CREBBP: variants seen among roughly 807,000 people sequenced by gnomAD.
CREBBP encodes the protein CREB binding lysine acetyltransferase.
In CREBBP, 19 loss-of-function variants were observed where a neutral mutation model predicts 265.0. That is an observed-to-expected ratio of 0.07 (90% CI 0.05 to 0.11). The LOEUF is 0.11. Ranked by LOEUF, CREBBP falls within the 10% of genes least tolerant of loss-of-function variation. The probability of loss-of-function intolerance (pLI) is 1.00; values close to 1 mark genes in which losing one functional copy is unlikely to be tolerated. For missense variants in CREBBP, 2,525 were observed against 3,219.0 expected (o/e 0.78, Z 5.22); for synonymous variants, 1,457 against 1,223.7 (o/e 1.19, Z -3.98).
rs1168965457 is a variant in CREBBP, at chr16:3,781,224, C to A, written c.1656G>T (p.Pro552=). 1.2e-6 allele frequency: 2 copies of A among 1,613,930 alleles called. No homozygotes were observed. The highest frequency in any genetic ancestry group is 2.2e-5 in the South Asian group (2 of 91,066). Residue 552 remains proline (P), a synonymous_variant, in exon 7 of 31, where the codon CCG becomes CCT. Transcript: ENST00000262367. ...CTTACTTTGTGGCCCCCAGGGAAGT[C>A]GGAAGAGCTGATTCTGAAATCAAGT... ...PPNLISESAL[P]TSLGATNPLM... is the part of the protein sequence containing the mutation.
intron 1 of CREBBP, among the ~76,000 whole-genome samples, chr16:3,863,926 G>T (rs962364308): frequency 1.3e-5 from 2 of 152,132 alleles, no homozygotes; most frequent in Non-Finnish European, 1.5e-5. Context: ...GAGCAAAAAC[G>T]GGTTGTTTAC....
chr16:3,813,499 T>C (rs130049), intron 2 of CREBBP, among the ~76,000 whole-genome samples: 1 of 152,254 alleles, frequency 6.6e-6, no homozygotes, highest in African/African-American at 2.4e-5. Flanking sequence ...GAACACTTAC[T>C]ACTCTCAGAA....
rs73491901 is a variant in CREBBP, at chr16:3,731,844, G to T, written c.4822C>A (p.Pro1608Thr). Residue 1608 changes from proline to threonine, a missense_variant, in exon 29 of 31, where the codon CCC (proline) becomes ACC (threonine). By Grantham distance (38) the Pro-to-Thr change is conservative. Coordinates refer to ENST00000262367, the MANE Select transcript of CREBBP (RefSeq NM_004380.3). The surrounding 1 kb of genome is among the most constrained non-coding windows in gnomAD (Gnocchi z 7.7). ...TCATTGGACACGTTGGGCATGCTGG[G>T]CTTCTTCTTGTTGGCGCGGCTGATG... ...SSISRANKKK[P>T]SMPNVSNDLS... The T allele has an allele frequency of 3.5e-4, 570 of 1,614,260 alleles. No individual in the cohort carries two copies. In the African/African-American group the frequency reaches 6.8e-3, roughly 19 times the overall value.
intron 2 of CREBBP, among the ~76,000 whole-genome samples, chr16:3,822,830 T>C (rs1217169947): frequency 6.6e-6 from 1 of 152,212 alleles, no homozygotes; most frequent in African/African-American, 2.4e-5. Flanking sequence ...TGACTGGTGA[T>C]GTCAGCGAGG....
chr16:3,810,491 A>C, intron 3 of CREBBP, 112 bp downstream of exon 3: 5 of 1,292,728 alleles, frequency 3.9e-6, no homozygotes, highest in East Asian at 2.3e-5. Context: ...TTCTCTTCCT[A>C]TCACCTACTG....
chr16:3,726,967 T>C lies in CREBBP; in HGVS notation c.*751A>G, dbSNP rs1040707582. ...TTTACACTAGAATTGCTTTTCCTCA[T>C]TTCAAGTTTCACATAGAAGAAAGAA... On this transcript the variant is annotated 3_prime_UTR_variant, in exon 31 of 31. Coordinates refer to ENST00000262367, the MANE Select transcript of CREBBP (RefSeq NM_004380.3). 8.1e-5 allele frequency: 19 copies of C among 233,602 alleles called. No homozygotes were observed. The highest frequency in any genetic ancestry group is 5.6e-5 in the Admixed American group (1 of 17,792). The allele number at this position is 233,602 out of a possible 1,614,324, so 14.5% of individuals were successfully genotyped here.
intron 5 of CREBBP, among the ~76,000 whole-genome samples, chr16:3,787,870 T>G (rs946859941): frequency 6.6e-6 from 1 of 152,144 alleles, no homozygotes; most frequent in South Asian, 2.1e-4. Flanking sequence ...GAGACGGGGT[T>G]TCACTGTGTT....
intron 25 of CREBBP, 193 bp downstream of exon 25, chr16:3,739,385 G>A (rs1368109361): frequency 3.0e-6 from 2 of 659,870 alleles, no homozygotes; most frequent in African/African-American, 3.6e-5. Context: ...CACGCTCACT[G>A]CAGTCATCTC....
At chr16:3,794,201 G>A (rs1196486858) in intron 3 of CREBBP, among the ~76,000 whole-genome samples, 10 of 151,744 alleles carry the variant, frequency 6.6e-5, no homozygotes, top group Admixed American at 2.0e-4. Flanking sequence ...GCGTGGTGGC[G>A]GGTGCCTGTA....
intron 3 of CREBBP, among the ~76,000 whole-genome samples, chr16:3,803,260 CGGGGAGGGGGG>C (rs796986790): frequency 0.019 from 161 of 8,452 alleles, 63 homozygotes; most frequent in Middle Eastern, 0.11. Flanking sequence ...AGGCTGACGG[CGGGGAGGGGGG>C]GGGGGGGGGT....
intron 3 of CREBBP, among the ~76,000 whole-genome samples, chr16:3,802,832 A>T (rs931033656): frequency 1.3e-5 from 2 of 152,010 alleles, no homozygotes; most frequent in Admixed American, 1.3e-4. Context: ...TGCTCCTCGG[A>T]TACTCCCCCA....
chr16:3,757,725 C>A, intron 18 of CREBBP, 84 bp downstream of exon 18: 1 of 1,573,528 alleles, frequency 6.4e-7, no homozygotes, highest in Non-Finnish European at 8.7e-7. Flanking sequence ...TCCCAGTATA[C>A]AGGCGTGGTC....
At chr16:3,736,295 C>T in intron 27 of CREBBP, 92 bp from the exon 28 acceptor site, 1 of 1,359,412 alleles carries the variant, frequency 7.4e-7, no homozygotes, top group Non-Finnish European at 1.0e-6. Context: ...GTGCCCCTCA[C>T]CATGGTGTGG....
In CREBBP at chr16:3,778,606, T is replaced by C. The variant is rs113008318; in HGVS notation, c.1941+94A>G. ...AGGGGAGGAGTCTGTCCCAACTACA[T>C]AGATTCCACTATTTCCAGATAACAA... On this transcript the variant is annotated intron_variant, in intron 9 of 30. Transcript: ENST00000262367. The C allele has an allele frequency of 1.3e-4, 141 of 1,091,860 alleles. 2 individuals are homozygous for C. Among genetic ancestry groups the C allele is most frequent in the Middle Eastern group, 1.0e-3 (5 of 4,968 alleles). The allele number at this position is 1,091,860 out of a possible 1,614,324, so 67.6% of individuals were successfully genotyped here.
chr16:3,786,114 G>A (rs1032671029), intron 5 of CREBBP, among the ~76,000 whole-genome samples: 5 of 152,224 alleles, frequency 3.3e-5, no homozygotes, highest in African/African-American at 1.2e-4. Context: ...TGTAATCCCA[G>A]CACTTTGGGA....
Position 3,726,326 on chromosome 16 carries a change from C to A in CREBBP, c.*1392G>T, listed in dbSNP as rs986530338. On this transcript the variant is annotated 3_prime_UTR_variant, in exon 31 of 31. Coordinates refer to ENST00000262367, the MANE Select transcript of CREBBP (RefSeq NM_004380.3). ...GGACAGGGAGGATGGAGGAGTGGGC[C>A]AAATGCAGTTTCAGACCAACTGACG... 17 of 233,140 alleles carry A rather than the reference C, an allele frequency of 7.3e-5. No individual in the cohort carries two copies. The highest frequency in any genetic ancestry group is 1.7e-5 in the Non-Finnish European group (2 of 118,078). The allele number at this position is 233,140 out of a possible 1,614,324, so 14.4% of individuals were successfully genotyped here.
chr16:3,787,709 G>A (rs1039196721), intron 5 of CREBBP, among the ~76,000 whole-genome samples: 6 of 152,038 alleles, frequency 3.9e-5, no homozygotes, highest in Admixed American at 3.9e-4. Flanking sequence ...GCCCAGGCTG[G>A]AGTGCAGTGG....
intron 2 of CREBBP, among the ~76,000 whole-genome samples, chr16:3,832,730 T>C (rs1190558621): frequency 6.6e-6 from 1 of 152,178 alleles, no homozygotes; most frequent in Non-Finnish European, 1.5e-5. Context: ...CTGACCAAAA[T>C]TCGTTATGTA....
intron 1 of CREBBP, among the ~76,000 whole-genome samples, chr16:3,866,333 A>G (rs1459922217): frequency 6.6e-6 from 1 of 152,214 alleles, no homozygotes; most frequent in Non-Finnish European, 1.5e-5. Context: ...TAATATAAAG[A>G]TGATGTTAAA....
Sources: gnomAD v4.1 joint callset for allele counts (sites outside exome capture counted in the v4.1 genomes callset) on GRCh38, gnomAD v4.1.1 for gene constraint, Gnocchi (gnomAD v3.1) non-coding constraint, MANE v1.5 for transcripts, NCBI Gene and HGNC (gene_info 2026-07-23, HGNC 2026-07-21) for gene names.